The following MTA1 variants were observed in gnomAD, a reference collection of about 807,000 sequenced individuals.
The protein encoded by MTA1 is metastasis associated 1.
Under a neutral mutation model 97.0 loss-of-function variants are expected in MTA1, and 15 were observed. The observed-to-expected ratio is 0.15, with a 90% CI of 0.10 to 0.24. The LOEUF is 0.24. Among genes scored for constraint, MTA1 ranks in the 10% least tolerant of loss-of-function variants. The pLI, the probability that MTA1 is intolerant of heterozygous loss-of-function variation, is 1.00. For missense variants in MTA1, 709 were observed against 1,015.1 expected (o/e 0.70, Z 4.10); for synonymous variants, 435 against 417.5 (o/e 1.04, Z -0.51).
intron 6 of MTA1, among the ~76,000 whole-genome samples, chr14:105,450,910 C>T (rs1001299989): frequency 2.0e-5 from 3 of 152,204 alleles, no homozygotes; most frequent in African/African-American, 2.4e-5. Flanking sequence ...ATCCAGCGAA[C>T]GGGAGGGTTG....
chr14:105,423,465 C>T (rs2081913963), intron 1 of MTA1, among the ~76,000 whole-genome samples: 1 of 152,136 alleles, frequency 6.6e-6, no homozygotes, highest in Non-Finnish European at 1.5e-5. Context: ...GATCCACCCG[C>T]TTCGGCCTCC....
In MTA1 at chr14:105,469,960, T is replaced by C. The variant is rs1401990580; in HGVS notation, c.1965T>C (p.Asp655=). 2 of 1,612,384 alleles carry C rather than the reference T, an allele frequency of 1.2e-6. No homozygotes were observed. Among genetic ancestry groups the C allele is most frequent in the Non-Finnish European group, 1.7e-6 (2 of 1,179,864 alleles). The change falls in exon 20 of 21, where the codon GAT becomes GAC. Residue 655 remains aspartate (D), a synonymous_variant. Transcript: ENST00000331320. The stretch of plus-strand genomic sequence containing the variant: ...GGATGAACTGGATCGACGCCCCGGA[T>C]GACGTGTTCTACATGGCCACAGAGG... ...RRRMNWIDAP[D]DVFYMATEET...
rs2083779336 is a variant in MTA1, at chr14:105,470,192, G to A, written c.2125G>A (p.Glu709Lys). Reference sequence around the variant, plus strand: ...ACCGCCACCTGCGCCCGTCAACGACGAGCCCATCGTCATCGAGGACTAGGG... The same window carrying A: ...ACCGCCACCTGCGCCCGTCAACGACAAGCCCATCGTCATCGAGGACTAGGG... ...RPPPPAPVND[E>K]PIVIED The change falls in exon 21 of 21, where the codon GAG becomes AAG. Residue 709 changes from glutamate to lysine, a missense_variant. Coordinates refer to ENST00000331320, the MANE Select transcript of MTA1 (RefSeq NM_004689.4). 1 of 1,605,018 alleles carries A rather than the reference G, an allele frequency of 6.2e-7. No individual in the cohort carries two copies. Among genetic ancestry groups the A allele is most frequent in the Non-Finnish European group, 8.5e-7 (1 of 1,176,864 alleles).
At chr14:105,439,890 G>A (rs1247913203) in intron 2 of MTA1, among the ~76,000 whole-genome samples, 6 of 152,292 alleles carry the variant, frequency 3.9e-5, no homozygotes, top group Admixed American at 6.5e-5. Context: ...TGGTGGCAGC[G>A]GTGACGTGGG....
At chr14:105,467,405 G>T (rs782195690) in intron 18 of MTA1, 1 of 455,686 alleles carries the variant, frequency 2.2e-6, no homozygotes, top group Non-Finnish European at 4.4e-6. Context: ...CAGCAGGGCC[G>T]GTTTGGCGAC....
chr14:105,419,874 T>TCGGCGGCCTCGG lies in MTA1; in HGVS notation c.-154_-143dup, dbSNP rs1292864679. The TCGGCGGCCTCGG allele has an allele frequency of 3.5e-5, 6 of 169,596 alleles. No homozygotes were observed. Among genetic ancestry groups the TCGGCGGCCTCGG allele is most frequent in the Non-Finnish European group, 6.5e-5 (6 of 91,964 alleles). The allele number at this position is 169,596 out of a possible 1,614,324, so 10.5% of individuals were successfully genotyped here. On this transcript the variant is annotated 5_prime_UTR_variant, in exon 1 of 21. Transcript: ENST00000331320. Reference sequence around the variant, plus strand: ...GCGGCCCTCCCGTCCCTGCGCGGCCTCGGCGGCCTCGGCGGCGGCGGCGGC... The same window carrying TCGGCGGCCTCGG: ...GCGGCCCTCCCGTCCCTGCGCGGCCTCGGCGGCCTCGGCGGCGGCCTCGGCGGCGGCGGCGGC...
At chr14:105,464,257 C>T (rs1555431861) in intron 13 of MTA1, 110 bp downstream of exon 13, 30 of 1,356,080 alleles carry the variant, frequency 2.2e-5, no homozygotes, top group Admixed American at 1.1e-4. Context: ...GGCCCACTGA[C>T]GATGGGGGCT....
intron 3 of MTA1, among the ~76,000 whole-genome samples, chr14:105,446,078 G>T (rs1555427082): frequency 6.6e-6 from 1 of 152,136 alleles, no homozygotes; most frequent in African/African-American, 2.4e-5. Flanking sequence ...TGGGGACCCA[G>T]CTTCTCCCCC....
intron 1 of MTA1, among the ~76,000 whole-genome samples, chr14:105,427,085 T>A (rs1479049132): frequency 6.6e-6 from 1 of 152,242 alleles, no homozygotes; most frequent in African/African-American, 2.4e-5. Flanking sequence ...CAGCTCTTGT[T>A]GCTCAATGAT....
At chr14:105,447,500 A>G (rs1303004338) in intron 3 of MTA1, among the ~76,000 whole-genome samples, 2 of 152,256 alleles carry the variant, frequency 1.3e-5, no homozygotes, top group African/African-American at 4.8e-5. Flanking sequence ...AGAGCCCCAG[A>G]AGGGGACTCC....
intron 10 of MTA1, among the ~76,000 whole-genome samples, chr14:105,462,514 G>A (rs1555431276): frequency 2.6e-5 from 4 of 151,616 alleles, no homozygotes; most frequent in African/African-American, 9.7e-5. Context: ...AAGTTGCTGT[G>A]AGCCGAGATC....
intron 18 of MTA1, chr14:105,467,217 G>A (rs1011702309): frequency 1.7e-5 from 6 of 359,656 alleles, no homozygotes; most frequent in Non-Finnish European, 2.7e-5. Context: ...GCTCTGTGCC[G>A]GTTGCTTGGA....
At chr14:105,466,615 C>T (rs1555432939) in intron 17 of MTA1, 37 bp downstream of exon 17, 2 of 1,569,354 alleles carry the variant, frequency 1.3e-6, no homozygotes, top group Admixed American at 1.8e-5. Flanking sequence ...GTGGCCCTCC[C>T]CGCCCGGTGA....
At chr14:105,447,934 C>G (rs1430202188) in intron 3 of MTA1, among the ~76,000 whole-genome samples, 1 of 152,200 alleles carries the variant, frequency 6.6e-6, no homozygotes, top group Non-Finnish European at 1.5e-5. Flanking sequence ...TCTGGGAGGC[C>G]TCTGGCTCTC....
chr14:105,466,565 C>T lies in MTA1; in HGVS notation c.1764C>T (p.His588=), dbSNP rs1555432903. ...TILGKRSYEQ[H]NGVDGNMKKR... ...TGGGCAAGCGCAGCTACGAGCAGCACAACGGGGTGGACGGTGAGTGGCCCC... is the reference window on the plus strand; with the variant it reads ...TGGGCAAGCGCAGCTACGAGCAGCATAACGGGGTGGACGGTGAGTGGCCCC... The change falls in exon 17 of 21, where the codon CAC becomes CAT. Residue 588 remains histidine, a synonymous_variant. Transcript: ENST00000331320. 4 of 1,580,374 alleles carry T rather than the reference C, an allele frequency of 2.5e-6. No homozygotes were observed. Among genetic ancestry groups the T allele is most frequent in the Non-Finnish European group, 3.4e-6 (4 of 1,163,848 alleles).
At chr14:105,449,641 G>C (rs1036342809) in intron 4 of MTA1, among the ~76,000 whole-genome samples, 2 of 152,198 alleles carry the variant, frequency 1.3e-5, no homozygotes, top group South Asian at 4.1e-4. Context: ...TGGGCTGTAT[G>C]GGGCTGTCTG....
At chr14:105,449,586 G>A (rs887631386) in intron 4 of MTA1, among the ~76,000 whole-genome samples, 177 bp downstream of exon 4, 9 of 152,308 alleles carry the variant, frequency 5.9e-5, no homozygotes, top group African/African-American at 2.2e-4. Flanking sequence ...CAGGCTTGGT[G>A]CGGCCCCGGC....
At position 105,433,315 on chromosome 14, in the gene MTA1, G is replaced by A. The variant is rs587756572; in HGVS notation, c.29-5357G>A. Among the ~76,000 whole-genome samples the A allele has an allele frequency of 5.9e-5, 9 of 152,276 alleles. No homozygotes were observed. In the South Asian group the frequency reaches 1.9e-3, roughly 32 times the overall value. On this transcript the variant is annotated intron_variant, in intron 1 of 20. Transcript: ENST00000331320. The stretch of plus-strand genomic sequence containing the variant: ...GTGTTTTTAGAGGTTGGTCAGGTGG[G>A]CCTGGCTGAGCACCGGTGTGGCTGC...
Position 105,460,428 on chromosome 14 carries a change from G to A in MTA1, c.724G>A (p.Ala242Thr), listed in dbSNP as rs1555430734. 1.9e-6 allele frequency: 3 copies of A among 1,611,086 alleles called. No individual in the cohort carries two copies. Among genetic ancestry groups the A allele is most frequent in the Admixed American group, 1.7e-5 (1 of 59,832 alleles). ...CCGACAGCCCAGCCTGCACATGAGC[G>A]CCGCAGCTGCCTCCCGAGACATCAC... ...SVRQPSLHMSAAAASRDITLF... is the reference protein window; with the variant it reads ...SVRQPSLHMSTAAASRDITLF... Residue 242 changes from alanine to threonine, a missense_variant, in exon 9 of 21, where the codon GCC becomes ACC. By Grantham distance (58) the Ala-to-Thr change is moderately conservative. Transcript: ENST00000331320.
Sources: allele counts gnomAD v4.1 joint callset (sites outside exome capture counted in the v4.1 genomes callset), GRCh38; gene constraint gnomAD v4.1.1; transcripts MANE v1.5; gene names NCBI Gene and HGNC (gene_info 2026-07-23, HGNC 2026-07-21).